NT5C3A: variants seen among roughly 807,000 people sequenced by gnomAD.
The protein encoded by NT5C3A is cytosolic 5'-nucleotidase 3A.
Under a neutral mutation model 40.0 loss-of-function variants are expected in NT5C3A, and 23 were observed. The ratio of observed to expected loss-of-function variants is 0.58; its 90% confidence interval spans 0.41 to 0.81. NT5C3A has a LOEUF of 0.81. NT5C3A is among the 40% of genes least tolerant of loss of function. The pLI, the probability that NT5C3A is intolerant of heterozygous loss-of-function variation, is 0.00. For synonymous variants in NT5C3A, 130 were observed against 141.4 expected (o/e 0.92, Z 0.57); for missense variants, 328 against 403.0 (o/e 0.81, Z 1.59).
At chr7:33,025,094 A>T (rs1785845136) in intron 2 of NT5C3A, among the ~76,000 whole-genome samples, 1 of 152,158 alleles carries the variant, frequency 6.6e-6, no homozygotes, top group Non-Finnish European at 1.5e-5. Flanking sequence ...AGCTAAGATC[A>T]TGCCACTACA....
chr7:33,037,721 A>G (rs1439041358), intron 1 of NT5C3A, among the ~76,000 whole-genome samples: 1 of 152,208 alleles, frequency 6.6e-6, no homozygotes, highest in Non-Finnish European at 1.5e-5. Context: ...CAGTAAGATG[A>G]TAACTTGCAA....
At chr7:33,016,981 G>A (rs1269475318) in intron 7 of NT5C3A, among the ~76,000 whole-genome samples, 3 of 151,646 alleles carry the variant, frequency 2.0e-5, no homozygotes, top group South Asian at 2.1e-4. Context: ...TCAGGAGTTC[G>A]AGACCAACCT....
At chr7:33,025,572 G>T (rs1471640498) in intron 2 of NT5C3A, among the ~76,000 whole-genome samples, 1 of 152,080 alleles carries the variant, frequency 6.6e-6, no homozygotes, top group African/African-American at 2.4e-5. Flanking sequence ...TAATAAGGCT[G>T]TATCTTAATC....
chr7:33,052,055 A>C (rs187254375), intron 1 of NT5C3A, among the ~76,000 whole-genome samples: 13 of 152,032 alleles, frequency 8.6e-5, no homozygotes, highest in African/African-American at 2.2e-4. Context: ...ACAGCTTCTA[A>C]AGTTTTTGTT....
In NT5C3A at chr7:33,016,345, G is replaced by C. The variant is rs187832572; in HGVS notation, c.694-475C>G. On this transcript the variant is annotated intron_variant, in intron 7 of 8. Transcript: ENST00000610140. ...GCCAAGATGGCACCACTGCACTCCA[G>C]CCTGGGTGACAGAGTGAGACTCTGT... Among the ~76,000 whole-genome samples, 128 of 144,884 alleles carry C rather than the reference G, an allele frequency of 8.8e-4. 1 individual carries two copies. Among genetic ancestry groups the C allele is most frequent in the African/African-American group, 3.0e-3 (118 of 38,848 alleles).
At chr7:33,029,304 C>T (rs1696253895) in intron 1 of NT5C3A, 1 of 191,900 alleles carries the variant, frequency 5.2e-6, no homozygotes, top group African/African-American at 2.4e-5. Flanking sequence ...CATGTGTCTA[C>T]TTTGTGCCAC....
At chr7:33,054,787 G>A (rs578230420) in intron 1 of NT5C3A, among the ~76,000 whole-genome samples, 48 of 152,300 alleles carry the variant, frequency 3.2e-4, no homozygotes, top group African/African-American at 1.0e-3. Flanking sequence ...CATCATGTCA[G>A]CGTTCAAAAA....
intron 7 of NT5C3A, among the ~76,000 whole-genome samples, chr7:33,016,502 C>A (rs1343194860): frequency 6.6e-6 from 1 of 151,372 alleles, no homozygotes; most frequent in Non-Finnish European, 1.5e-5. Flanking sequence ...AACCCTGTCT[C>A]TATTAAGAAA....
intron 1 of NT5C3A, among the ~76,000 whole-genome samples, chr7:33,055,019 T>G (rs1246157845): frequency 1.3e-5 from 2 of 152,176 alleles, no homozygotes; most frequent in Non-Finnish European, 2.9e-5. Context: ...ATATCTTTAC[T>G]CGGGGTAAAC....
intron 5 of NT5C3A, 80 bp from the exon 6 acceptor site, chr7:33,019,804 C>T (rs1785527980): frequency 1.2e-6 from 1 of 821,610 alleles, no homozygotes; most frequent in African/African-American, 1.7e-5. Flanking sequence ...AACATTCTTC[C>T]ATGTGAGAAA....
intron 5 of NT5C3A, among the ~76,000 whole-genome samples, chr7:33,020,964 T>C (rs558791679): frequency 6.8e-4 from 99 of 145,908 alleles, no homozygotes; most frequent in Non-Finnish European, 1.2e-3. Context: ...CTCATACCTT[T>C]TCTTTACACA....
intron 1 of NT5C3A, among the ~76,000 whole-genome samples, chr7:33,045,618 C>A (rs775133524): frequency 3.9e-5 from 6 of 152,050 alleles, no homozygotes; most frequent in Non-Finnish European, 2.9e-5. Flanking sequence ...CGCCACCACA[C>A]CTGGCTAATT....
intron 1 of NT5C3A, chr7:33,029,488 C>T: frequency 2.5e-6 from 1 of 398,368 alleles, no homozygotes; most frequent in Non-Finnish European, 4.8e-6. Context: ...TCAGCCTTAA[C>T]TGGCAGATGC....
intron 3 of NT5C3A, chr7:33,023,781 A>C: frequency 2.2e-6 from 1 of 445,744 alleles, no homozygotes; most frequent in Non-Finnish European, 4.1e-6. Context: ...TATTTCTTGA[A>C]TAATGAATAG....
At chr7:33,048,474 A>T (rs1382928045) in intron 1 of NT5C3A, among the ~76,000 whole-genome samples, 1 of 152,226 alleles carries the variant, frequency 6.6e-6, no homozygotes, top group African/African-American at 2.4e-5. Context: ...TGTGGACCTC[A>T]TAAGTTAGTT....
chr7:33,029,761 C>T, intron 1 of NT5C3A: 2 of 1,180,124 alleles, frequency 1.7e-6, no homozygotes, highest in South Asian at 2.5e-5. Context: ...GAGATAAGGT[C>T]TTGCTGTGTT....
At chr7:33,029,405 T>C in intron 1 of NT5C3A, 2 of 337,352 alleles carry the variant, frequency 5.9e-6, no homozygotes, top group South Asian at 2.4e-5. Context: ...TTTTGGAATA[T>C]CACTTCTGTA....
chr7:33,036,697 C>T (rs926722358), intron 1 of NT5C3A, among the ~76,000 whole-genome samples: 3 of 152,136 alleles, frequency 2.0e-5, no homozygotes, highest in Non-Finnish European at 1.5e-5. Context: ...TGCATTGCTA[C>T]TACCGAATCA....
chr7:33,047,712 G>A (rs1787212002), intron 1 of NT5C3A, among the ~76,000 whole-genome samples: 2 of 151,914 alleles, frequency 1.3e-5, no homozygotes, highest in Non-Finnish European at 2.9e-5. Flanking sequence ...TACTAAAACG[G>A]GGGTCTTTTA....
Sources: gnomAD v4.1 joint callset for allele counts (sites outside exome capture counted in the v4.1 genomes callset) on GRCh38, gnomAD v4.1.1 for gene constraint, MANE v1.5 for transcripts, NCBI Gene and HGNC (gene_info 2026-07-23, HGNC 2026-07-21) for gene names.